ABCA7: variants seen among roughly 807,000 people sequenced by gnomAD.
The protein encoded by ABCA7 is ATP binding cassette subfamily A member 7.
In ABCA7, 261 loss-of-function variants were observed where a neutral mutation model predicts 227.6. The ratio of observed to expected loss-of-function variants is 1.15; its 90% CI spans 1.04 to 1.27. The LOEUF is 1.27. Among genes scored for constraint, ABCA7 ranks in the 50% most tolerant of loss-of-function variants. The probability of loss-of-function intolerance (pLI) is 0.00; values close to 1 mark genes in which losing one functional copy is unlikely to be tolerated. For synonymous variants in ABCA7, 1,488 were observed against 1,279.7 expected (o/e 1.16, Z -3.47); for missense variants, 3,331 against 2,924.5 (o/e 1.14, Z -3.21).
chr19:1,056,511 CACCCTGCATGTCCT>C lies in ABCA7; in HGVS notation c.4586+21_4586+34del, dbSNP rs1490444610. The C allele has an allele frequency of 3.1e-6, 5 of 1,608,094 alleles. No homozygotes were observed. The highest frequency in any genetic ancestry group is 4.2e-6 in the Non-Finnish European group (5 of 1,177,482). ...TCTGAGGGTGCACTGTGAGTCCCTC[CACCCTGCATGTCCT>C]ACCCTGCACGTCCTACCCTGCCTCC... On this transcript the variant is annotated intron_variant, in intron 33 of 46. Transcript: ENST00000263094. The surrounding 1 kb of genome is among the most constrained non-coding windows in gnomAD (Gnocchi z 4.3).
intron 40 of ABCA7, 116 bp from the exon 41 acceptor site, chr19:1,061,666 T>C (rs2042663199): frequency 1.5e-5 from 15 of 983,212 alleles, no homozygotes; most frequent in Non-Finnish European, 2.2e-5. Flanking sequence ...ACCACTGCAG[T>C]CCAGCCTGGG....
In ABCA7 at chr19:1,045,139, G is replaced by A. The variant is rs758765630; in HGVS notation, c.1353G>A (p.Glu451=). The change falls in exon 12 of 47, where the codon GAG becomes GAA. Residue 451 remains glutamate (E), a synonymous_variant. Transcript: ENST00000263094. ...LGPEDSSDPT[E]HPTPDLGPGH... ...CTGAGGACTCTTCAGACCCCACAGA[G>A]CACCCAACCCCAGACCTGGGCCCCG... The A allele has an allele frequency of 3.1e-6, 5 of 1,612,822 alleles. No homozygotes were observed. Among genetic ancestry groups the A allele is most frequent in the South Asian group, 1.1e-5 (1 of 91,080 alleles).
chr19:1,050,981 C>G lies in ABCA7; in HGVS notation c.2613C>G (p.Asp871Glu), dbSNP rs2041561354. The G allele has an allele frequency of 6.2e-7, 1 of 1,612,332 alleles. No individual in the cohort carries two copies. The highest frequency in any genetic ancestry group is 8.5e-7 in the Non-Finnish European group (1 of 1,179,756). The change falls in exon 19 of 47, where the codon GAC becomes GAG. Residue 871 changes from aspartate (D) to glutamate (E), a missense_variant. Coordinates refer to ENST00000263094, the MANE Select transcript of ABCA7 (RefSeq NM_019112.4). ...GCTCTGCCTTCATCCTGGGCCACGA[C>G]GTCCGCTCCAGCATGGCCGCCATCC... is the stretch of plus-strand genomic sequence containing the variant. ...SGGSAFILGH[D>E]VRSSMAAIRP...
At chr19:1,060,085 C>T (rs1353295371) in intron 40 of ABCA7, among the ~76,000 whole-genome samples, 6 of 152,182 alleles carry the variant, frequency 3.9e-5, no homozygotes, top group Non-Finnish European at 7.3e-5. Context: ...TACCAGTTCA[C>T]ATTCAAGCAC....
intron 17 of ABCA7, 98 bp downstream of exon 17, chr19:1,049,103 C>T (rs893354039): frequency 1.9e-5 from 19 of 1,001,152 alleles, no homozygotes; most frequent in Non-Finnish European, 2.4e-5. Context: ...ACCTGGACAC[C>T]CCAACCCTCA....
rs145934264 is a variant in ABCA7, at chr19:1,065,353, G to A, written c.6369G>A (p.Ala2123=). The A allele has an allele frequency of 1.9e-5, 31 of 1,613,480 alleles. No homozygotes were observed. The African/African-American group carries it at 2.1e-4, about 11-fold the overall frequency. The change falls in exon 47 of 47, where the codon GCG becomes GCA. Residue 2123 remains alanine, a synonymous_variant. Coordinates refer to ENST00000263094, the MANE Select transcript of ABCA7 (RefSeq NM_019112.4). The stretch of plus-strand genomic sequence containing the variant: ...AGGCAGGAGTGGGAGTGGACCCCGC[G>A]CCAGGCCTGCAGCACCCCAAACGCG... The part of the protein sequence containing the change: ...QKEAGVGVDP[A]PGLQHPKRVS...
Position 1,064,935 on chromosome 19 carries a change from G to C in ABCA7, c.6049G>C (p.Ala2017Pro). 1.3e-6 allele frequency: 2 copies of C among 1,549,878 alleles called. No homozygotes were observed. The highest frequency in any genetic ancestry group is 4.9e-5 in the East Asian group (2 of 40,896). ...CCCTGGCCCCACTCACTGCAGATTC[G>C]CGGCGGGTCACACACTGACCCTGCG... ...GSPQHLKGRF[A>P]AGHTLTLRVP... is the part of the protein sequence containing the mutation. The change falls in exon 46 of 47, where the codon GCG becomes CCG. Residue 2017 changes from alanine (A) to proline (P), a missense_variant. Ala to Pro is a conservative substitution (Grantham distance 27). Coordinates refer to ENST00000263094, the MANE Select transcript of ABCA7 (RefSeq NM_019112.4).
At position 1,065,399 on chromosome 19, in the gene ABCA7, C is replaced by A. The variant is rs778538900; in HGVS notation, c.6415C>A (p.Pro2139Thr). The change falls in exon 47 of 47, where the codon CCT (proline) becomes ACT (threonine). Residue 2139 changes from proline (P) to threonine (T), a missense_variant. Physicochemically the swap from Pro to Thr is conservative, Grantham distance 38. Coordinates refer to ENST00000263094, the MANE Select transcript of ABCA7 (RefSeq NM_019112.4). The part of the protein sequence containing the change: ...PKRVSQFLDD[P>T]STAETVL The stretch of plus-strand genomic sequence containing the variant: ...ACGCGTCAGCCAGTTCCTCGATGAC[C>A]CTAGCACTGCCGAGACTGTGCTCTG... 1 of 1,613,438 alleles carries A rather than the reference C, an allele frequency of 6.2e-7. No individual in the cohort carries two copies. Among genetic ancestry groups the A allele is most frequent in the South Asian group, 1.1e-5 (1 of 91,084 alleles).
Position 1,044,631 on chromosome 19 carries a change from G to C in ABCA7, c.1102G>C (p.Asp368His), listed in dbSNP as rs754479722. The C allele has an allele frequency of 1.9e-6, 3 of 1,613,208 alleles. No homozygotes were observed. Among genetic ancestry groups the C allele is most frequent in the Non-Finnish European group, 2.5e-6 (3 of 1,179,962 alleles). The change falls in exon 11 of 47, where the codon GAC becomes CAC. Residue 368 changes from aspartate to histidine, a missense_variant. Physicochemically the swap from Asp to His is moderately conservative, Grantham distance 81. Coordinates refer to ENST00000263094, the MANE Select transcript of ABCA7 (RefSeq NM_019112.4). ...AAGGCAGCCCAGACCTGGAGGCCGG[G>C]ACCACATGGAGGCCCTGCGATCCTT... ...GRRQPRPGGRDHMEALRSFLD... is the reference protein window; with the variant it reads ...GRRQPRPGGRHHMEALRSFLD...
chr19:1,056,135 G>T lies in ABCA7; in HGVS notation c.4308G>T (p.Val1436=). The part of the protein sequence containing the change: ...LPSGQELGRS[V]EELWALLSPL... ...CGGGCCAAGAGTTGGGCCGCTCAGTGGAGGAGTTGTGGGCGCTGCTGAGTC... is the reference window on the plus strand; with the variant it reads ...CGGGCCAAGAGTTGGGCCGCTCAGTTGAGGAGTTGTGGGCGCTGCTGAGTC... Residue 1436 remains valine, a synonymous_variant, in exon 32 of 47, where the codon GTG becomes GTT. Coordinates refer to ENST00000263094, the MANE Select transcript of ABCA7 (RefSeq NM_019112.4). The surrounding 1 kb of genome is among the most constrained non-coding windows in gnomAD (Gnocchi z 4.3). 6.2e-7 allele frequency: 1 copy of T among 1,609,956 alleles called. No homozygotes were observed.
intron 1 of ABCA7, among the ~76,000 whole-genome samples, chr19:1,041,006 G>A (rs2039975246): frequency 6.6e-6 from 1 of 152,108 alleles, no homozygotes; most frequent in Admixed American, 6.6e-5. Context: ...TGAGGCTTGG[G>A]GTGGAGCCTG....
At position 1,064,155 on chromosome 19, in the gene ABCA7, C is replaced by T. The variant is rs751449548; in HGVS notation, c.5952-6C>T. The T allele has an allele frequency of 3.2e-6, 5 of 1,561,172 alleles. No individual in the cohort carries two copies. In the African/African-American group the frequency reaches 4.1e-5, roughly 13 times the overall value. ...TCACGGAGCTCGTGGTGCCGGGTCC[C>T]GACAGCATGGAGGAGTGTGAAGCGC... is the stretch of plus-strand genomic sequence containing the variant. On this transcript the variant is annotated splice_region_variant and splice_polypyrimidine_tract_variant and intron_variant, in intron 44 of 46. Transcript: ENST00000263094.
chr19:1,042,029 C>T (rs755872121), intron 4 of ABCA7, 35 bp from the exon 5 acceptor site: 4 of 1,581,686 alleles, frequency 2.5e-6, no homozygotes, highest in Non-Finnish European at 2.6e-6. Flanking sequence ...CAGTGCCGGC[C>T]GGAACCCCGC....
chr19:1,055,094 C>T lies in ABCA7; in HGVS notation c.3951-3C>T, dbSNP rs1359325014. 1 of 1,610,320 alleles carries T rather than the reference C, an allele frequency of 6.2e-7. No individual in the cohort carries two copies. Among genetic ancestry groups the T allele is most frequent in the Admixed American group, 1.7e-5 (1 of 59,842 alleles). On this transcript the variant is annotated splice_polypyrimidine_tract_variant and splice_region_variant and intron_variant, in intron 29 of 46. Transcript: ENST00000263094. ...TTGAGTGTGCACAGCCCATTGTCTG[C>T]AGGTTCTCGGCACCAGAAGTTCCTG...
At chr19:1,055,499 C>CTT (rs397709972) in intron 30 of ABCA7, 148 bp downstream of exon 30, 14,783 of 423,108 alleles carry the variant, frequency 0.035, 277 homozygotes, top group African/African-American at 0.11. Context: ...TTCCTTTCCT[C>CTT]TTTTTTTTTT....
Position 1,065,180 on chromosome 19 carries a change from G to C in ABCA7, c.6285+9G>C, listed in dbSNP as rs1156793219. 3 of 1,593,952 alleles carry C rather than the reference G, an allele frequency of 1.9e-6. No homozygotes were observed. The highest frequency in any genetic ancestry group is 2.3e-5 in the East Asian group (1 of 44,438). ...AGACGATGCTGGAGGAGGTGATCAC[G>C]GCGCCGGGGTCGGGCTGGGGGAGGC... On this transcript the variant is annotated intron_variant, in intron 46 of 46. Coordinates refer to ENST00000263094, the MANE Select transcript of ABCA7 (RefSeq NM_019112.4).
Position 1,055,181 on chromosome 19 carries a change from C to T in ABCA7, c.4035C>T (p.Cys1345=). ...NWTPESPSPA[C]QCSRPGARRL... ...CCCCAGAGTCTCCATCCCCAGCCTG[C>T]CAGTGTAGCCGGCCCGGTGCCCGGC... is the stretch of plus-strand genomic sequence containing the variant. Residue 1345 remains cysteine, a synonymous_variant, in exon 30 of 47, where the codon TGC becomes TGT. Transcript: ENST00000263094. 1 of 1,612,328 alleles carries T rather than the reference C, an allele frequency of 6.2e-7. No individual in the cohort carries two copies. The highest frequency in any genetic ancestry group is 2.2e-5 in the East Asian group (1 of 44,806).
At position 1,044,718 on chromosome 19, in the gene ABCA7, G is replaced by C. The variant is rs774275278; in HGVS notation, c.1189G>C (p.Val397Leu). 1 of 1,610,400 alleles carries C rather than the reference G, an allele frequency of 6.2e-7. No individual in the cohort carries two copies. Among genetic ancestry groups the C allele is most frequent in the Non-Finnish European group, 8.5e-7 (1 of 1,179,566 alleles). The change falls in exon 11 of 47, where the codon GTG becomes CTG. Residue 397 changes from valine (V) to leucine (L), a missense_variant. Val to Leu is a conservative substitution (Grantham distance 32). Transcript: ENST00000263094. ...CGCACACGCTGATGTGGGGCACCTG[G>C]TGGGCACGCTGGGCCGAGTGACGGA... The part of the protein sequence containing the change: ...QDAHADVGHL[V>L]GTLGRVTECL...
intron 17 of ABCA7, 31 bp downstream of exon 17, chr19:1,049,036 G>A: frequency 5.4e-6 from 7 of 1,298,698 alleles, no homozygotes; most frequent in Non-Finnish European, 6.5e-6. Flanking sequence ...ATAGCTGGTT[G>A]TCCACATATG....
Sources: gnomAD v4.1 joint callset for allele counts (sites outside exome capture counted in the v4.1 genomes callset) on GRCh38, gnomAD v4.1.1 for gene constraint, Gnocchi (gnomAD v3.1) non-coding constraint, MANE v1.5 for transcripts, NCBI Gene and HGNC (gene_info 2026-07-23, HGNC 2026-07-21) for gene names.